Variants in DPP9 observed in about 807,000 individuals in gnomAD.
DPP9 encodes dipeptidyl peptidase IV-related protein-2.
In DPP9, 50 loss-of-function variants were observed where a neutral mutation model predicts 110.7. That is an observed-to-expected ratio of 0.45 (90% confidence interval 0.36 to 0.57). The LOEUF is 0.57. DPP9 is among the 20% of genes least tolerant of loss of function. The pLI is 0.00. For synonymous variants in DPP9, 561 were observed against 514.4 expected (o/e 1.09, Z -1.23); for missense variants, 1,022 against 1,217.9 (o/e 0.84, Z 2.39).
intron 8 of DPP9, 115 bp downstream of exon 8, chr19:4,702,488 G>T: frequency 2.5e-6 from 2 of 798,926 alleles, no homozygotes; most frequent in Non-Finnish European, 4.1e-6. Flanking sequence ...TGTTGGTATT[G>T]ACAGACTGTG....
rs770409278 is a variant in DPP9 at position 4,682,888 on chromosome 19, C to T, written c.2332-50G>A. On this transcript the variant is annotated intron_variant, in intron 19 of 21. Coordinates refer to ENST00000262960, the MANE Select transcript of DPP9 (RefSeq NM_139159.5). The surrounding 1 kb of genome is among the most constrained non-coding windows in gnomAD (Gnocchi z 7.1). ...GGGCAGAGAGAGAGAGAGAAACAGGCGTCGGGTCCTACAGCCAGCATCAGC... is the reference window on the plus strand; with the variant it reads ...GGGCAGAGAGAGAGAGAGAAACAGGTGTCGGGTCCTACAGCCAGCATCAGC... 1.5e-5 allele frequency: 23 copies of T among 1,549,120 alleles called. No individual in the cohort carries two copies. The highest frequency in any genetic ancestry group is 3.6e-5 in the South Asian group (3 of 84,428).
At chr19:4,715,442 C>T (rs888408226) in intron 3 of DPP9, 2 of 152,274 alleles carry the variant, frequency 1.3e-5, no homozygotes, top group African/African-American at 4.8e-5. Context: ...ACCTGGCTGT[C>T]CCCTCCCTCC....
intron 11 of DPP9, among the ~76,000 whole-genome samples, chr19:4,696,716 T>A (rs1046559077): frequency 2.6e-5 from 4 of 151,456 alleles, no homozygotes; most frequent in African/African-American, 9.7e-5. Flanking sequence ...ACCACTGCAC[T>A]CCAGCCTGGT....
chr19:4,709,037 C>A (rs1484358861), intron 4 of DPP9, among the ~76,000 whole-genome samples: 1 of 152,230 alleles, frequency 6.6e-6, no homozygotes, highest in African/African-American at 2.4e-5. Flanking sequence ...CCTGCCTCAG[C>A]CTCCCGAGTA....
At chr19:4,692,289 T>C (rs1268936134) in intron 13 of DPP9, among the ~76,000 whole-genome samples, 1 of 152,116 alleles carries the variant, frequency 6.6e-6, no homozygotes, top group African/African-American at 2.4e-5. Context: ...TGAGATGGTT[T>C]GTAACTGAGG....
rs371745895 is a variant in DPP9, at chr19:4,681,641, T to G, written c.2474+1055A>C. 2.6e-5 allele frequency among the ~76,000 whole-genome samples: 4 copies of G among 152,206 alleles called. No homozygotes were observed. The East Asian group carries it at 7.7e-4, about 29-fold the overall frequency. ...GTGCAGTGGCACGATGTTCGCTCAC[T>G]ACCAACTCCACCTCCTGGGTTCAAG... On this transcript the variant is annotated intron_variant, in intron 20 of 21. Transcript: ENST00000262960.
intron 3 of DPP9, 72 bp from the exon 4 acceptor site, chr19:4,714,409 T>C: frequency 7.0e-7 from 1 of 1,436,872 alleles, no homozygotes. Flanking sequence ...TGCTGCCCCT[T>C]GCGAGGCACT....
rs771812443 is a variant in DPP9, at chr19:4,685,057, T to A, written c.2032-248A>T. 2 of 661,972 alleles carry A rather than the reference T, an allele frequency of 3.0e-6. No homozygotes were observed. The highest frequency in any genetic ancestry group is 3.0e-5 in the South Asian group (2 of 66,330). The allele number at this position is 661,972 out of a possible 1,614,324, so 41.0% of individuals were successfully genotyped here. ...TTTCTCAGCTGGGCCACTGCCCCAG[T>A]CCTGCCTGGAACAACTACTCTGGCA... is the stretch of plus-strand genomic sequence containing the variant. On this transcript the variant is annotated intron_variant, in intron 17 of 21. Coordinates refer to ENST00000262960, the MANE Select transcript of DPP9 (RefSeq NM_139159.5). This position sits in a 1 kb window ranked among gnomAD's most constrained non-coding sequence, Gnocchi z 5.8.
chr19:4,714,465 C>T, intron 3 of DPP9, 128 bp from the exon 4 acceptor site: 1 of 1,231,848 alleles, frequency 8.1e-7, no homozygotes, highest in South Asian at 1.6e-5. Context: ...TCCCCACTCC[C>T]TAAACACTTC....
chr19:4,685,911 G>A lies in DPP9; in HGVS notation c.1886-140C>T. 1.0e-6 allele frequency: 1 copy of A among 961,824 alleles called. No individual in the cohort carries two copies. The allele number at this position is 961,824 out of a possible 1,614,324, so 59.6% of individuals were successfully genotyped here. On this transcript the variant is annotated intron_variant, in intron 16 of 21. Coordinates refer to ENST00000262960, the MANE Select transcript of DPP9 (RefSeq NM_139159.5). The surrounding 1 kb of genome is among the most constrained non-coding windows in gnomAD (Gnocchi z 5.8). ...CTGGGCTTCCCGAGAGTTGATAATT[G>A]AAAAAAACGTTTTTTTTTCATTAAA...
chr19:4,677,048 A>C (rs2088933890), intron 21 of DPP9, among the ~76,000 whole-genome samples: 1 of 152,110 alleles, frequency 6.6e-6, no homozygotes, highest in African/African-American at 2.4e-5. Context: ...CCTGGTCTCG[A>C]GCCATTTCCA....
rs546571595 is a variant in DPP9, at chr19:4,698,195, G to A, written c.1075-544C>T. 2.1e-4 allele frequency among the ~76,000 whole-genome samples: 32 copies of A among 152,320 alleles called. No individual in the cohort carries two copies. Among genetic ancestry groups the A allele is most frequent in the African/African-American group, 7.5e-4 (31 of 41,572 alleles). On this transcript the variant is annotated intron_variant, in intron 10 of 21. Coordinates refer to ENST00000262960, the MANE Select transcript of DPP9 (RefSeq NM_139159.5). This position sits in a 1 kb window ranked among gnomAD's most constrained non-coding sequence, Gnocchi z 4.2. The stretch of plus-strand genomic sequence containing the variant: ...GTGGCTCTGGGCAAGCACAGTCCCC[G>A]GACCCAGGGCTTCCCCATGCTTAAA...
chr19:4,686,571 A>G (rs966846963), intron 16 of DPP9, among the ~76,000 whole-genome samples: 9 of 151,968 alleles, frequency 5.9e-5, no homozygotes, highest in Admixed American at 4.6e-4. Flanking sequence ...CCACCCACCT[A>G]TGTCTCCCAA....
In DPP9 at chr19:4,685,582, G is replaced by A. The variant is rs1257023877; in HGVS notation, c.2031+44C>T. 5 of 1,565,952 alleles carry A rather than the reference G, an allele frequency of 3.2e-6. No individual in the cohort carries two copies. The highest frequency in any genetic ancestry group is 4.3e-6 in the Non-Finnish European group (5 of 1,154,644). On this transcript the variant is annotated intron_variant, in intron 17 of 21. Transcript: ENST00000262960. The surrounding 1 kb of genome is among the most constrained non-coding windows in gnomAD (Gnocchi z 5.8). ...CTTGAGTGGGGATGGGGAGTCCTCG[G>A]GTGGATGGTGGGGTGGGGGCCTGGG... is the stretch of plus-strand genomic sequence containing the variant.
chr19:4,721,056 A>AT (rs2093300580), intron 2 of DPP9, among the ~76,000 whole-genome samples: 2 of 152,002 alleles, frequency 1.3e-5, no homozygotes, highest in African/African-American at 4.8e-5. Context: ...TCACCTGGGG[A>AT]TAACCGGCCC....
chr19:4,679,945 G>A lies in DPP9; in HGVS notation c.2476C>T (p.Pro826Ser). The A allele has an allele frequency of 1.9e-6, 3 of 1,610,560 alleles. No individual in the cohort carries two copies. Among genetic ancestry groups the A allele is most frequent in the Non-Finnish European group, 2.5e-6 (3 of 1,178,416 alleles). The change falls in exon 21 of 22, where the codon CCC becomes TCC. Residue 826 changes from proline (P) to serine (S), a missense_variant and splice_region_variant. By Grantham distance (74) the Pro-to-Ser change is moderately conservative. Coordinates refer to ENST00000262960, the MANE Select transcript of DPP9 (RefSeq NM_139159.5). ...CCGTGGAGGATAAGCAAGCGGTTGG[G>A]CCTGGAAAACAGATGGGGAAGGGTC... The part of the protein sequence containing the change: ...ALHVEKLPNE[P>S]NRLLILHGFL...
chr19:4,712,264 A>C (rs2092871854), intron 4 of DPP9, among the ~76,000 whole-genome samples: 1 of 152,158 alleles, frequency 6.6e-6, no homozygotes, highest in South Asian at 2.1e-4. Context: ...AAAGGCCCAG[A>C]CAGCCCAGGT....
At chr19:4,711,677 G>T (rs970537278) in intron 4 of DPP9, among the ~76,000 whole-genome samples, 2 of 148,948 alleles carry the variant, frequency 1.3e-5, no homozygotes, top group African/African-American at 4.9e-5. Flanking sequence ...GGAGGCTGAG[G>T]TAGGAGAATC....
chr19:4,716,654 A>G (rs906442042), intron 3 of DPP9, among the ~76,000 whole-genome samples: 46 of 152,054 alleles, frequency 3.0e-4, no homozygotes, highest in African/African-American at 9.2e-4. Context: ...AGAAAAAAAA[A>G]AAAGAAAGAA....
Sources: allele counts gnomAD v4.1 joint callset (sites outside exome capture counted in the v4.1 genomes callset), GRCh38; gene constraint gnomAD v4.1.1; non-coding constraint Gnocchi (gnomAD v3.1); transcripts MANE v1.5; gene names NCBI Gene and HGNC (gene_info 2026-07-23, HGNC 2026-07-21).